Variants in INSC observed in about 807,000 individuals in gnomAD.
The protein encoded by INSC is INSC spindle orientation adaptor protein.
In INSC, 67 loss-of-function variants were observed where a neutral mutation model predicts 58.6. The ratio of observed to expected loss-of-function variants is 1.14; its 90% CI spans 0.94 to 1.40. The LOEUF (loss-of-function observed/expected upper bound fraction) is 1.40, where lower values mean the gene tolerates loss of function less well. Ranked by LOEUF, INSC falls within the 40% of genes most tolerant of loss-of-function variation. INSC has a pLI of 0.00. For synonymous variants in INSC, 262 were observed against 276.1 expected (o/e 0.95, Z 0.51); for missense variants, 714 against 692.0 (o/e 1.03, Z -0.36).
intron 2 of INSC, among the ~76,000 whole-genome samples, chr11:15,157,786 G>T (rs1016287639): frequency 6.6e-6 from 1 of 152,144 alleles, no homozygotes; most frequent in Admixed American, 6.5e-5. Flanking sequence ...TGGGCTTGTG[G>T]TGGGGCCATG....
intron 7 of INSC, among the ~76,000 whole-genome samples, chr11:15,209,032 A>G (rs1850920115): frequency 6.6e-6 from 1 of 152,016 alleles, no homozygotes; most frequent in Non-Finnish European, 1.5e-5. Context: ...CTTTCATTCC[A>G]ACATGTATCT....
At chr11:15,206,812 A>T (rs1248700615) in intron 7 of INSC, among the ~76,000 whole-genome samples, 1 of 152,242 alleles carries the variant, frequency 6.6e-6, no homozygotes, top group Non-Finnish European at 1.5e-5. Context: ...CAATGAAGCA[A>T]TATGGGTGGG....
At chr11:15,198,465 C>A (rs564009415) in intron 6 of INSC, among the ~76,000 whole-genome samples, 13 of 152,236 alleles carry the variant, frequency 8.5e-5, no homozygotes, top group Middle Eastern at 3.4e-3. Flanking sequence ...CTCAGTGCCT[C>A]CTGAGCCAAA....
At chr11:15,170,027 A>G (rs1352062541) in intron 2 of INSC, among the ~76,000 whole-genome samples, 1 of 152,212 alleles carries the variant, frequency 6.6e-6, no homozygotes, top group Non-Finnish European at 1.5e-5. Context: ...AAATTGCTTA[A>G]TACTTGCATA....
At chr11:15,163,161 C>T (rs1849075752) in intron 2 of INSC, among the ~76,000 whole-genome samples, 1 of 152,190 alleles carries the variant, frequency 6.6e-6, no homozygotes, top group Admixed American at 6.5e-5. Context: ...CACTGGCTCA[C>T]ACTTTATTTC....
chr11:15,230,015 TATATATATATATATATATATATATAA>T, intron 9 of INSC, among the ~76,000 whole-genome samples: 1 of 34,146 alleles, frequency 2.9e-5, no homozygotes, highest in African/African-American at 1.4e-4. Flanking sequence ...ATATATATAA[TATATATATATATATATATATATATAA>T]AAGCCAGGCA....
intron 10 of INSC, among the ~76,000 whole-genome samples, 170 bp downstream of exon 10, chr11:15,235,838 C>T (rs902298068): frequency 2.0e-5 from 3 of 151,898 alleles, no homozygotes; most frequent in African/African-American, 4.8e-5. Flanking sequence ...GGCGGATCAA[C>T]TGAGGTAAGG....
At chr11:15,215,372 C>T (rs1456584203) in intron 7 of INSC, among the ~76,000 whole-genome samples, 1 of 152,206 alleles carries the variant, frequency 6.6e-6, no homozygotes, top group Admixed American at 6.5e-5. Flanking sequence ...TAAAATGGGA[C>T]TTGTGTTTGG....
chr11:15,151,383 G>T (rs548732907), intron 2 of INSC, among the ~76,000 whole-genome samples: 2 of 152,262 alleles, frequency 1.3e-5, no homozygotes, highest in Non-Finnish European at 2.9e-5. Context: ...CAAGGTTAGG[G>T]ACTGCTGGTA....
chr11:15,226,287 T>G (rs112117603), intron 9 of INSC, among the ~76,000 whole-genome samples: 1,564 of 152,216 alleles, frequency 0.01, 11 homozygotes, highest in Non-Finnish European at 0.018. Context: ...ACTGCTCCCC[T>G]CTTTATCTCC....
intron 5 of INSC, among the ~76,000 whole-genome samples, chr11:15,183,289 T>G (rs1033092107): frequency 7.5e-5 from 11 of 146,812 alleles, no homozygotes; most frequent in Admixed American, 2.1e-4. Context: ...AGGCGGAGGT[T>G]GCCATGAGCC....
At chr11:15,118,387 A>G (rs1847787352) in intron 1 of INSC, among the ~76,000 whole-genome samples, 3 of 152,208 alleles carry the variant, frequency 2.0e-5, no homozygotes. Flanking sequence ...CATGTTTGGA[A>G]AGGAGAAAGC....
chr11:15,264,025 A>G, the INSC span, among the ~76,000 whole-genome samples: 11,511 of 126,838 alleles, frequency 0.091, 491 homozygotes, highest in Non-Finnish European at 0.11. Flanking sequence ...GAAGGCACAG[A>G]AAGTTCTCTG....
upstream of INSC, among the ~76,000 whole-genome samples, chr11:15,114,723 G>A (rs546457486): frequency 1.8e-4 from 28 of 152,174 alleles, no homozygotes; most frequent in African/African-American, 6.8e-4. Context: ...CCCCCCAGGG[G>A]CACCGAAATA....
At chr11:15,113,172 T>C (rs1847617831), upstream of INSC, among the ~76,000 whole-genome samples, 1 of 151,210 alleles carries the variant, frequency 6.6e-6, no homozygotes, top group Non-Finnish European at 1.5e-5. Flanking sequence ...TCTTTCTTTT[T>C]TGATGCAATC....
At chr11:15,258,575 G>A in the INSC span, among the ~76,000 whole-genome samples, 1 of 152,192 alleles carries the variant, frequency 6.6e-6, no homozygotes, top group Non-Finnish European at 1.5e-5. Context: ...AAGACAGCTT[G>A]CCTGGGCAGT....
intron 6 of INSC, 148 bp downstream of exon 6, chr11:15,190,962 G>A (rs968480214): frequency 1.7e-6 from 1 of 576,440 alleles, no homozygotes; most frequent in Non-Finnish European, 3.1e-6. Context: ...TATCCTATCT[G>A]GGACTTGGTG....
At chr11:15,145,456 C>G (rs987499606) in intron 1 of INSC, among the ~76,000 whole-genome samples, 1 of 152,128 alleles carries the variant, frequency 6.6e-6, no homozygotes, top group Non-Finnish European at 1.5e-5. Context: ...GTTTATTCTT[C>G]AAGTCTGCTC....
chr11:15,240,563 C>T (rs764940140), intron 12 of INSC, 40 bp downstream of exon 12: 21 of 1,560,538 alleles, frequency 1.3e-5, no homozygotes, highest in East Asian at 4.6e-5. Flanking sequence ...CCCTGGCCTT[C>T]GGAATGCAGC....
Sources: gnomAD v4.1 joint callset for allele counts (sites outside exome capture counted in the v4.1 genomes callset) on GRCh38, gnomAD v4.1.1 for gene constraint, MANE v1.5 for transcripts, NCBI Gene and HGNC (gene_info 2026-07-23, HGNC 2026-07-21) for gene names.